The following QTMAN variants were observed in gnomAD, a reference collection of about 807,000 sequenced individuals.
QTMAN encodes queuosine-tRNA mannosyltransferase.
chr2:144,261,126 T>C, the QTMAN span, among the ~76,000 whole-genome samples: 1 of 152,208 alleles, frequency 6.6e-6, no homozygotes, highest in Non-Finnish European at 1.5e-5. Context: ...ACCAATCTAA[T>C]AAGCTTTTTG....
the QTMAN span, among the ~76,000 whole-genome samples, chr2:144,050,324 A>AG: frequency 1.3e-5 from 2 of 152,184 alleles, no homozygotes; most frequent in African/African-American, 4.8e-5. Context: ...GGTGAAAAAA[A>AG]AAACAATAAA....
chr2:143,993,637 G>T, the QTMAN span, among the ~76,000 whole-genome samples: 1 of 152,150 alleles, frequency 6.6e-6, no homozygotes, highest in Non-Finnish European at 1.5e-5. Flanking sequence ...CAGAAACTGA[G>T]CCTCTGGAAG....
the QTMAN span, chr2:143,957,247 T>C: frequency 1.2e-5 from 20 of 1,612,402 alleles, no homozygotes; most frequent in African/African-American, 1.6e-4. Flanking sequence ...ACATCAGCCA[T>C]GCACAGTACT....
chr2:144,305,721 C>A, the QTMAN span, among the ~76,000 whole-genome samples: 1 of 152,162 alleles, frequency 6.6e-6, no homozygotes, highest in African/African-American at 2.4e-5. Context: ...CATCTAGATC[C>A]ATGAACATGG....
chr2:143,983,207 A>G, the QTMAN span, among the ~76,000 whole-genome samples: 2 of 152,178 alleles, frequency 1.3e-5, no homozygotes, highest in African/African-American at 4.8e-5. Flanking sequence ...ATCTAATAAC[A>G]TTCACTTCAA....
chr2:144,050,851 T>C, the QTMAN span, among the ~76,000 whole-genome samples: 7 of 152,134 alleles, frequency 4.6e-5, no homozygotes, highest in South Asian at 2.1e-4. Flanking sequence ...TAGGGAATTA[T>C]GACAAGAAAA....
the QTMAN span, among the ~76,000 whole-genome samples, chr2:144,032,492 A>G: frequency 6.6e-6 from 1 of 152,256 alleles, no homozygotes; most frequent in Non-Finnish European, 1.5e-5. Context: ...AGAGCCATGT[A>G]CGTCATGAAA....
chr2:144,042,512 T>C, the QTMAN span, among the ~76,000 whole-genome samples: 2 of 151,852 alleles, frequency 1.3e-5, no homozygotes. Context: ...TCCCAGCACT[T>C]TGGGAGGCTG....
At chr2:144,046,915 T>C in the QTMAN span, among the ~76,000 whole-genome samples, 2 of 152,244 alleles carry the variant, frequency 1.3e-5, no homozygotes, top group Non-Finnish European at 2.9e-5. Context: ...TGGACTCATC[T>C]TGCTTATGCA....
the QTMAN span, among the ~76,000 whole-genome samples, chr2:144,233,525 G>A: frequency 6.6e-6 from 1 of 152,166 alleles, no homozygotes; most frequent in African/African-American, 2.4e-5. Context: ...TGTGAGGGTA[G>A]ACCCTCTGCC....
At chr2:144,010,520 T>C in the QTMAN span, among the ~76,000 whole-genome samples, 1 of 152,046 alleles carries the variant, frequency 6.6e-6, no homozygotes, top group Non-Finnish European at 1.5e-5. Flanking sequence ...CCATGCTGAA[T>C]TGGACAAGAT....
At chr2:144,019,692 A>ATGCTTCCT in the QTMAN span, among the ~76,000 whole-genome samples, 1 of 152,122 alleles carries the variant, frequency 6.6e-6, no homozygotes, top group African/African-American at 2.4e-5. Flanking sequence ...ACCAGAAAGG[A>ATGCTTCCT]TGCTTCCTAA....
At chr2:144,040,556 G>C in the QTMAN span, among the ~76,000 whole-genome samples, 2 of 152,018 alleles carry the variant, frequency 1.3e-5, no homozygotes, top group African/African-American at 4.8e-5. Flanking sequence ...ACGTCGCTAA[G>C]ACCCTAAAAG....
the QTMAN span, among the ~76,000 whole-genome samples, chr2:144,216,706 G>A: frequency 1.3e-5 from 2 of 152,076 alleles, no homozygotes; most frequent in Non-Finnish European, 2.9e-5. Flanking sequence ...ACCAATACAA[G>A]AGAAGTAACA....
At chr2:143,993,334 A>C in the QTMAN span, among the ~76,000 whole-genome samples, 1 of 152,146 alleles carries the variant, frequency 6.6e-6, no homozygotes, top group East Asian at 1.9e-4. Flanking sequence ...TAAGCTTGAA[A>C]AATGGCCCCC....
chr2:144,322,194 A>C, the QTMAN span, among the ~76,000 whole-genome samples: 1 of 152,170 alleles, frequency 6.6e-6, no homozygotes, highest in Non-Finnish European at 1.5e-5. Context: ...CATTTGATGA[A>C]TCTGGCCTTC....
At chr2:144,011,632 T>C in the QTMAN span, 4 of 966,016 alleles carry the variant, frequency 4.1e-6, no homozygotes, top group African/African-American at 1.8e-5. Context: ...TAAACTGTTC[T>C]ATGCTAGTAA....
At chr2:144,193,351 AAT>A in the QTMAN span, among the ~76,000 whole-genome samples, 1 of 150,334 alleles carries the variant, frequency 6.7e-6, no homozygotes, top group Non-Finnish European at 1.5e-5. Context: ...AAAAACATAA[AAT>A]GACATAAAAT....
chr2:144,092,819 TAAAG>T, the QTMAN span, among the ~76,000 whole-genome samples: 1 of 151,630 alleles, frequency 6.6e-6, no homozygotes, highest in African/African-American at 2.4e-5. Context: ...TTATGGTACT[TAAAG>T]AACACTATCT....
Sources: allele counts gnomAD v4.1 joint callset (sites outside exome capture counted in the v4.1 genomes callset), GRCh38; gene constraint gnomAD v4.1.1; transcripts MANE v1.5; gene names NCBI Gene and HGNC (gene_info 2026-07-23, HGNC 2026-07-21).